Variants in GALNT7 observed in about 807,000 individuals in gnomAD.
GALNT7 encodes N-acetylgalactosaminyltransferase 7.
Under a neutral mutation model 82.1 loss-of-function variants are expected in GALNT7, and 60 were observed. That is an observed-to-expected ratio of 0.73 (90% CI 0.59 to 0.91). The LOEUF is 0.91. Among genes scored for constraint, GALNT7 ranks in the 40% least tolerant of loss-of-function variants. GALNT7 has a pLI of 0.00. For synonymous variants in GALNT7, 243 were observed against 275.1 expected, an observed-to-expected ratio of 0.88 and a Z score of 1.15; for missense variants, 660 against 804.2, an observed-to-expected ratio of 0.82 and a Z score of 2.17.
intron 2 of GALNT7, among the ~76,000 whole-genome samples, chr4:173,256,059 G>C (rs184525995): frequency 1.4e-4 from 21 of 152,308 alleles, no homozygotes; most frequent in African/African-American, 4.8e-4. Flanking sequence ...TCAGGAATAA[G>C]GTTTCTCACA....
At chr4:173,204,236 T>G (rs1733025040) in intron 1 of GALNT7, among the ~76,000 whole-genome samples, 1 of 152,240 alleles carries the variant, frequency 6.6e-6, no homozygotes, top group Non-Finnish European at 1.5e-5. Context: ...GTTATTTGCT[T>G]CTTTTCTCCT....
chr4:173,225,227 C>A (rs1007368625), intron 1 of GALNT7, among the ~76,000 whole-genome samples: 1 of 152,052 alleles, frequency 6.6e-6, no homozygotes, highest in Non-Finnish European at 1.5e-5. Context: ...TCATATCTCT[C>A]AATCCTCCCT....
At chr4:173,229,725 T>C (rs1156775798) in intron 1 of GALNT7, among the ~76,000 whole-genome samples, 3 of 152,198 alleles carry the variant, frequency 2.0e-5, no homozygotes, top group Non-Finnish European at 4.4e-5. Flanking sequence ...GGCAGAATCA[T>C]GCTTGTTTCA....
intron 1 of GALNT7, among the ~76,000 whole-genome samples, chr4:173,217,394 A>G (rs560781419): frequency 6.6e-6 from 1 of 152,296 alleles, no homozygotes; most frequent in African/African-American, 2.4e-5. Context: ...AAAATACAAT[A>G]TTATGCATCC....
chr4:173,194,739 A>G (rs1732726246), intron 1 of GALNT7, among the ~76,000 whole-genome samples: 2 of 152,104 alleles, frequency 1.3e-5, no homozygotes, highest in African/African-American at 4.8e-5. Context: ...TGCTGCACCC[A>G]TTAACTCGTC....
At chr4:173,169,720 C>T (rs1314614403) in intron 1 of GALNT7, 2 of 151,964 alleles carry the variant, frequency 1.3e-5, no homozygotes, top group African/African-American at 4.8e-5. Flanking sequence ...CCCGCCTGCC[C>T]GCCGCCCCCA....
At chr4:173,245,989 G>A (rs1029704105) in intron 1 of GALNT7, among the ~76,000 whole-genome samples, 1 of 152,186 alleles carries the variant, frequency 6.6e-6, no homozygotes, top group Non-Finnish European at 1.5e-5. Flanking sequence ...ACACATGCCT[G>A]AAGAAAGGCA....
chr4:173,257,794 A>T (rs577327934), intron 2 of GALNT7, among the ~76,000 whole-genome samples: 1 of 152,188 alleles, frequency 6.6e-6, no homozygotes, highest in Non-Finnish European at 1.5e-5. Context: ...GCGAACTAAA[A>T]CCATGATAAG....
At chr4:173,206,333 G>A (rs989542647) in intron 1 of GALNT7, among the ~76,000 whole-genome samples, 1 of 152,206 alleles carries the variant, frequency 6.6e-6, no homozygotes, top group African/African-American at 2.4e-5. Flanking sequence ...ACATCCAGGT[G>A]CTGTAATCTC....
At chr4:173,174,273 G>C (rs904613681) in intron 1 of GALNT7, among the ~76,000 whole-genome samples, 2 of 151,990 alleles carry the variant, frequency 1.3e-5, no homozygotes, top group Non-Finnish European at 2.9e-5. Context: ...TTTTTTTCTA[G>C]GTTGATAATC....
At chr4:173,252,524 T>A (rs1734884810) in intron 2 of GALNT7, among the ~76,000 whole-genome samples, 1 of 152,210 alleles carries the variant, frequency 6.6e-6, no homozygotes, top group Admixed American at 6.5e-5. Flanking sequence ...CTGGCATGAC[T>A]CACACTTCTG....
At position 173,200,665 on chromosome 4, in the gene GALNT7, G is replaced by A. The variant is rs1247292968; in HGVS notation, c.126+31704G>A. On this transcript the variant is annotated intron_variant, in intron 1 of 11. Coordinates refer to ENST00000265000, the MANE Select transcript of GALNT7 (RefSeq NM_017423.3). ...AATTTATGTGTTTCCAGTGTTTAGGGTCTGCTAAGGAGTGGGAGGTGAATG... is the reference window on the plus strand; with the variant it reads ...AATTTATGTGTTTCCAGTGTTTAGGATCTGCTAAGGAGTGGGAGGTGAATG... 4.6e-5 allele frequency among the ~76,000 whole-genome samples: 7 copies of A among 152,294 alleles called. No homozygotes were observed. In the East Asian group the frequency reaches 1.3e-3, roughly 29 times the overall value.
intron 2 of GALNT7, among the ~76,000 whole-genome samples, chr4:173,248,945 C>T (rs1474567633): frequency 6.6e-6 from 1 of 151,282 alleles, no homozygotes; most frequent in African/African-American, 2.4e-5. Flanking sequence ...TTTTTTCCCT[C>T]AGTACTGAAA....
At chr4:173,223,576 A>G (rs931390967) in intron 1 of GALNT7, among the ~76,000 whole-genome samples, 1 of 152,122 alleles carries the variant, frequency 6.6e-6, no homozygotes, top group Admixed American at 6.6e-5. Flanking sequence ...ACTCTTTTCC[A>G]TAAATGAGAC....
chr4:173,201,026 A>G (rs1732928830), intron 1 of GALNT7, among the ~76,000 whole-genome samples: 1 of 152,216 alleles, frequency 6.6e-6, no homozygotes, highest in Non-Finnish European at 1.5e-5. Context: ...TGTGAGATTT[A>G]TCCATCACAA....
intron 1 of GALNT7, among the ~76,000 whole-genome samples, chr4:173,221,641 G>C (rs887389390): frequency 1.3e-5 from 2 of 152,142 alleles, no homozygotes; most frequent in Non-Finnish European, 1.5e-5. Context: ...CTTAGCATTT[G>C]ATTTATAGAG....
At chr4:173,209,061 GT>G (rs1456190355) in intron 1 of GALNT7, among the ~76,000 whole-genome samples, 1 of 152,178 alleles carries the variant, frequency 6.6e-6, no homozygotes, top group Non-Finnish European at 1.5e-5. Context: ...ATAATACAAA[GT>G]TTTGAAGTAC....
intron 9 of GALNT7, chr4:173,316,971 A>G (rs1466361459): frequency 1.3e-5 from 2 of 152,284 alleles, no homozygotes; most frequent in Non-Finnish European, 2.9e-5. Flanking sequence ...TGTTATCATT[A>G]TAGGTGCACA....
chr4:173,224,947 G>A (rs1182290401), intron 1 of GALNT7, among the ~76,000 whole-genome samples: 6 of 151,536 alleles, frequency 4.0e-5, no homozygotes, highest in Non-Finnish European at 8.8e-5. Flanking sequence ...CCCGGGAGGC[G>A]GAGCTTGCAG....
Sources: allele counts gnomAD v4.1 joint callset (sites outside exome capture counted in the v4.1 genomes callset), GRCh38; gene constraint gnomAD v4.1.1; transcripts MANE v1.5; gene names NCBI Gene and HGNC (gene_info 2026-07-23, HGNC 2026-07-21).